Variants in NDUFC1 observed in about 807,000 individuals in gnomAD.
NDUFC1 encodes NADH dehydrogenase [ubiquinone] 1 subunit C1, mitochondrial.
A neutral mutation model predicts 11.6 loss-of-function variants in NDUFC1; 11 were observed. The observed-to-expected ratio is 0.95, with a 90% CI of 0.60 to 1.58. The LOEUF is 1.58. Ranked by LOEUF, NDUFC1 falls within the 40% of genes most tolerant of loss-of-function variation. NDUFC1 has a pLI of 0.00. For synonymous variants in NDUFC1, 52 were observed against 42.2 expected (o/e 1.23, Z -0.90); for missense variants, 112 against 93.0 (o/e 1.20, Z -0.84).
chr4:139,294,210 TG>T (rs1163265665), intron 4 of NDUFC1, among the ~76,000 whole-genome samples: 2 of 151,944 alleles, frequency 1.3e-5, no homozygotes, highest in African/African-American at 4.8e-5. Context: ...CCCAAAGTGC[TG>T]GGATTACAGG....
intron 4 of NDUFC1, 112 bp downstream of exon 4, chr4:139,294,931 T>C (rs183130445): frequency 6.9e-6 from 5 of 726,876 alleles, no homozygotes; most frequent in African/African-American, 5.3e-5. Context: ...CCTACTGTTA[T>C]GAGAGTTTCA....
intron 4 of NDUFC1, among the ~76,000 whole-genome samples, chr4:139,294,326 G>A (rs896387955): frequency 1.3e-5 from 2 of 152,116 alleles, no homozygotes; most frequent in Non-Finnish European, 2.9e-5. Flanking sequence ...AAACCTAATG[G>A]AAGTCTACTG....
At chr4:139,295,192 A>G (rs564905889) in intron 3 of NDUFC1, 46 bp from the exon 4 acceptor site, 3 of 1,476,314 alleles carry the variant, frequency 2.0e-6, no homozygotes, top group East Asian at 4.5e-5. Flanking sequence ...ACTGCCTTGT[A>G]GGGAAAAAAC....
intron 4 of NDUFC1, among the ~76,000 whole-genome samples, chr4:139,293,133 A>C (rs139062335): frequency 2.6e-5 from 4 of 152,288 alleles, no homozygotes; most frequent in Non-Finnish European, 5.9e-5. Flanking sequence ...AATTTAAATT[A>C]AACTACTGCC....
At chr4:139,301,664 G>A in intron 1 of NDUFC1, 1 of 1,246,000 alleles carries the variant, frequency 8.0e-7, no homozygotes, top group Non-Finnish European at 1.1e-6. Flanking sequence ...CCTGGTGGTG[G>A]CGGCGGATCG....
chr4:139,292,846 G>A (rs1235019907), intron 4 of NDUFC1, among the ~76,000 whole-genome samples: 4 of 151,432 alleles, frequency 2.6e-5, no homozygotes, highest in East Asian at 1.9e-4. Flanking sequence ...ATTTAGAGAC[G>A]GAGTTTTGCT....
Position 139,301,567 on chromosome 4 carries a change from A to G in NDUFC1, c.-222+849T>C, listed in dbSNP as rs919877889. 5.1e-6 allele frequency: 3 copies of G among 583,576 alleles called. No individual in the cohort carries two copies. In the African/African-American group the frequency reaches 5.7e-5, roughly 11 times the overall value. 36.1% of individuals were successfully genotyped at this position (583,576 alleles called of 1,614,324 possible). The stretch of plus-strand genomic sequence containing the variant: ...CGCCGACGGAGACCCGTAGTGGGGG[A>G]GGCGGCGGCAGCGTTAAGTGAGAAA... On this transcript the variant is annotated intron_variant, in intron 1 of 5. Transcript: ENST00000394223.
At chr4:139,291,184 A>T in intron 5 of NDUFC1, among the ~76,000 whole-genome samples, 1 of 151,858 alleles carries the variant, frequency 6.6e-6, no homozygotes, top group Non-Finnish European at 1.5e-5. Context: ...AGAATAAACT[A>T]TCTTGTTCAT....
chr4:139,291,450 C>T (rs1745214552), intron 5 of NDUFC1, among the ~76,000 whole-genome samples: 1 of 152,006 alleles, frequency 6.6e-6, no homozygotes, highest in South Asian at 2.1e-4. Context: ...TAGCGCGCAC[C>T]TGTAGTCCCA....
chr4:139,301,683 A>G, intron 1 of NDUFC1: 2 of 1,422,122 alleles, frequency 1.4e-6, no homozygotes, highest in African/African-American at 1.4e-5. Flanking sequence ...CGAGATATTC[A>G]AGGCTGAAGC....
chr4:139,301,844 C>T (rs1745767177), intron 1 of NDUFC1: 2 of 1,585,528 alleles, frequency 1.3e-6, no homozygotes, highest in Non-Finnish European at 8.6e-7. Context: ...AAGTGTGAGG[C>T]TCCGGGCAAG....
rs539070660 is a variant in NDUFC1, at chr4:139,291,359, G to A, written c.*20+1171C>T. Among the ~76,000 whole-genome samples the A allele has an allele frequency of 2.6e-5, 4 of 151,884 alleles. No homozygotes were observed. In the East Asian group the frequency reaches 5.9e-4, roughly 22 times the overall value. ...TGGGAGGCCGAGGCGGGCAGATCAC[G>A]AGGTCAAGAGATGGAGACCATCCTG... is the stretch of plus-strand genomic sequence containing the variant. On this transcript the variant is annotated intron_variant, in intron 5 of 5. Coordinates refer to ENST00000394223, the MANE Select transcript of NDUFC1 (RefSeq NM_001184989.2).
chr4:139,300,602 A>G (rs573458093), intron 1 of NDUFC1: 1 of 152,230 alleles, frequency 6.6e-6, no homozygotes, highest in East Asian at 1.9e-4. Flanking sequence ...AATGACTTAC[A>G]TTTTTGGAAG....
intron 4 of NDUFC1, among the ~76,000 whole-genome samples, chr4:139,293,503 A>C (rs1745319425): frequency 6.6e-6 from 1 of 152,258 alleles, no homozygotes; most frequent in South Asian, 2.1e-4. Context: ...AGAAAACCTT[A>C]AATTAAGAAT....
intron 4 of NDUFC1, among the ~76,000 whole-genome samples, chr4:139,293,845 T>C (rs1347316500): frequency 6.6e-6 from 1 of 151,928 alleles, no homozygotes; most frequent in Non-Finnish European, 1.5e-5. Context: ...GTGTTTCTTA[T>C]CTGTAACGGG....
rs71606834 is a variant in NDUFC1, at chr4:139,295,856, G to C, written c.-58C>G. 0.17 allele frequency: 260,977 copies of C among 1,520,194 alleles called. 23,742 individuals carry two copies. Among genetic ancestry groups the C allele is most frequent in the Middle Eastern group, 0.21 (1,217 of 5,896 alleles). 94.2% of individuals were successfully genotyped at this position (1,520,194 alleles called of 1,614,324 possible). On this transcript the variant is annotated 5_prime_UTR_variant, in exon 3 of 6. Coordinates refer to ENST00000394223, the MANE Select transcript of NDUFC1 (RefSeq NM_001184989.2). ...GCAACAGAACCAGCGCCACCTGGCG[G>C]CCGGAAGTGCGGGACTCGAGGGCTC... is the stretch of plus-strand genomic sequence containing the variant.
intron 1 of NDUFC1, chr4:139,300,920 A>G (rs1745689058): frequency 6.6e-6 from 1 of 152,192 alleles, no homozygotes; most frequent in Non-Finnish European, 1.5e-5. Context: ...GGATCTGACT[A>G]ACTACCTTTC....
chr4:139,295,603 G>T, intron 3 of NDUFC1, 129 bp downstream of exon 3: 1 of 995,894 alleles, frequency 1.0e-6, no homozygotes, highest in Non-Finnish European at 1.4e-6. Flanking sequence ...CTGGGCCTTG[G>T]GTCGTCTGCC....
intron 5 of NDUFC1, among the ~76,000 whole-genome samples, chr4:139,290,585 T>C (rs1745170004): frequency 6.6e-6 from 1 of 152,094 alleles, no homozygotes; most frequent in Non-Finnish European, 1.5e-5. Flanking sequence ...TAGTCTGTGA[T>C]CGCTATGTTT....
Sources: allele counts gnomAD v4.1 joint callset (sites outside exome capture counted in the v4.1 genomes callset), GRCh38; gene constraint gnomAD v4.1.1; transcripts MANE v1.5; gene names NCBI Gene and HGNC (gene_info 2026-07-23, HGNC 2026-07-21).